PCGF6: variants seen among roughly 807,000 people sequenced by gnomAD.
PCGF6 encodes the protein polycomb group RING finger protein 6.
A neutral mutation model predicts 45.5 loss-of-function variants in PCGF6; 24 were observed. The ratio of observed to expected loss-of-function variants is 0.53; its 90% confidence interval spans 0.38 to 0.74. The LOEUF (loss-of-function observed/expected upper bound fraction) is 0.74, where lower values mean the gene tolerates loss of function less well. Ranked by LOEUF, PCGF6 falls within the 30% of genes least tolerant of loss-of-function variation. The probability of loss-of-function intolerance (pLI) is 0.00; values close to 1 mark genes in which losing one functional copy is unlikely to be tolerated. For missense variants in PCGF6, 356 were observed against 443.2 expected (o/e 0.80, Z 1.77); for synonymous variants, 152 against 162.1 (o/e 0.94, Z 0.47).
chr10:103,332,895 A>G (rs1279272159), intron 7 of PCGF6, among the ~76,000 whole-genome samples: 1 of 152,058 alleles, frequency 6.6e-6, no homozygotes, highest in African/African-American at 2.4e-5. Flanking sequence ...TGGGTGGGTC[A>G]CCGGAGGTCA....
At chr10:103,335,259 G>A (rs2093252454) in intron 6 of PCGF6, among the ~76,000 whole-genome samples, 1 of 150,846 alleles carries the variant, frequency 6.6e-6, no homozygotes, top group African/African-American at 2.4e-5. Context: ...TCGCTGTGTT[G>A]GCCAGGCTGG....
chr10:103,321,538 C>G (rs1179887724), intron 8 of PCGF6, among the ~76,000 whole-genome samples: 1 of 151,986 alleles, frequency 6.6e-6, no homozygotes, highest in Non-Finnish European at 1.5e-5. Flanking sequence ...TGGTGAAACC[C>G]TGTCTCTACT....
chr10:103,340,197 A>T (rs1592074129), intron 6 of PCGF6, among the ~76,000 whole-genome samples: 1 of 94,800 alleles, frequency 1.1e-5, no homozygotes, highest in Non-Finnish European at 2.1e-5. Context: ...AAAAAAAAAA[A>T]AATATATATA....
chr10:103,340,757 C>T (rs2093277772), intron 6 of PCGF6, among the ~76,000 whole-genome samples: 1 of 151,896 alleles, frequency 6.6e-6, no homozygotes, highest in South Asian at 2.1e-4. Context: ...CCACCATGGC[C>T]AATTAATTTT....
intron 8 of PCGF6, among the ~76,000 whole-genome samples, chr10:103,324,692 G>A (rs145263159): frequency 0.04 from 5,990 of 149,858 alleles, 178 homozygotes; most frequent in Non-Finnish European, 0.057. Context: ...CCCGGGAGGC[G>A]GAGGTTGCAG....
At chr10:103,329,036 C>T (rs937390523) in intron 7 of PCGF6, among the ~76,000 whole-genome samples, 4 of 146,244 alleles carry the variant, frequency 2.7e-5, no homozygotes, top group Non-Finnish European at 4.5e-5. Flanking sequence ...TGAGCCACTG[C>T]GCCCGGCGGA....
intron 8 of PCGF6, among the ~76,000 whole-genome samples, chr10:103,323,127 T>C (rs1481090141): frequency 6.6e-6 from 1 of 152,140 alleles, no homozygotes; most frequent in East Asian, 1.9e-4. Context: ...AACCTAAGAA[T>C]AACCTCAAGT....
chr10:103,344,567 CTTT>C (rs1300178808), intron 6 of PCGF6, among the ~76,000 whole-genome samples: 1 of 142,272 alleles, frequency 7.0e-6, no homozygotes, highest in Non-Finnish European at 1.5e-5. Flanking sequence ...CATGCCCAGC[CTTT>C]TTTTTTTTTG....
At chr10:103,344,273 CTTTT>C (rs756711163) in intron 6 of PCGF6, among the ~76,000 whole-genome samples, 4 of 139,524 alleles carry the variant, frequency 2.9e-5, no homozygotes, top group Admixed American at 7.2e-5. Context: ...ATGACAAACA[CTTTT>C]TTTTTTTTTT....
intron 6 of PCGF6, among the ~76,000 whole-genome samples, chr10:103,339,810 A>AAAACACAC (rs1554865094): frequency 2.8e-4 from 9 of 32,236 alleles, no homozygotes; most frequent in African/African-American, 5.1e-4. Context: ...TCAAAAAAAA[A>AAAACACAC]ACACACACAC....
intron 7 of PCGF6, among the ~76,000 whole-genome samples, chr10:103,330,550 G>A (rs1363513346): frequency 2.0e-5 from 3 of 152,028 alleles, no homozygotes; most frequent in Non-Finnish European, 4.4e-5. Context: ...CCCTTTAAAA[G>A]TGTACGATTA....
chr10:103,348,562 T>C, intron 3 of PCGF6, 154 bp downstream of exon 3: 1 of 565,394 alleles, frequency 1.8e-6, no homozygotes, highest in Non-Finnish European at 3.0e-6. Flanking sequence ...TGATCTGAAG[T>C]GATCCACTCA....
Position 103,345,127 on chromosome 10 carries a change from G to C in PCGF6, c.679C>G (p.Pro227Ala). The C allele has an allele frequency of 6.3e-7, 1 of 1,599,438 alleles. No homozygotes were observed. Residue 227 changes from proline to alanine, a missense_variant, in exon 6 of 10, where the codon CCA becomes GCA. Coordinates refer to ENST00000369847, the MANE Select transcript of PCGF6 (RefSeq NM_001011663.2). ...CCTTTGCTTGAAGGGACTGGCTGTG[G>C]AACAGCTATTTAATAGTCAAACAAA... ...RGLEVPKPAVPQPVPSSKGRS... is the reference protein window; with the variant it reads ...RGLEVPKPAVAQPVPSSKGRS...
At chr10:103,322,921 A>G (rs1161880923) in intron 8 of PCGF6, among the ~76,000 whole-genome samples, 1 of 151,698 alleles carries the variant, frequency 6.6e-6, no homozygotes, top group Non-Finnish European at 1.5e-5. Flanking sequence ...AAAACAACCC[A>G]CAAAACACAA....
intron 6 of PCGF6, among the ~76,000 whole-genome samples, chr10:103,338,194 T>A (rs1338781116): frequency 6.6e-6 from 1 of 151,490 alleles, no homozygotes; most frequent in African/African-American, 2.4e-5. Flanking sequence ...TGAGTCGAGA[T>A]CATGCCACTG....
At chr10:103,314,630 A>G (rs1365248140) in intron 8 of PCGF6, among the ~76,000 whole-genome samples, 1 of 152,212 alleles carries the variant, frequency 6.6e-6, no homozygotes, top group Non-Finnish European at 1.5e-5. Context: ...AGCAAAGGAA[A>G]GTATATCTTT....
At chr10:103,347,987 A>T (rs1295377377) in intron 3 of PCGF6, among the ~76,000 whole-genome samples, 1 of 89,452 alleles carries the variant, frequency 1.1e-5, no homozygotes, top group East Asian at 3.5e-4. Flanking sequence ...AATAACAGTA[A>T]TCTACTGTTA....
chr10:103,327,686 CT>C lies in PCGF6; in HGVS notation c.811-1055del, dbSNP rs1258058308. On this transcript the variant is annotated intron_variant, in intron 7 of 9. Coordinates refer to ENST00000369847, the MANE Select transcript of PCGF6 (RefSeq NM_001011663.2). ...AATTCTTTTTTTTTTCTTTTCTTTT[CT>C]TTTTTGAGACAGAGTCTCACTCTGT... Among the ~76,000 whole-genome samples the C allele has an allele frequency of 2.1e-5, 3 of 144,242 alleles. No homozygotes were observed. In the South Asian group the frequency reaches 6.6e-4, roughly 32 times the overall value. 94.6% of individuals were successfully genotyped at this position (144,242 alleles called of 152,430 possible).
At chr10:103,308,698 C>A (rs1342687927) in intron 9 of PCGF6, among the ~76,000 whole-genome samples, 2 of 151,846 alleles carry the variant, frequency 1.3e-5, no homozygotes, top group African/African-American at 4.8e-5. Context: ...ATGGTAAAAC[C>A]CCATCTCTAC....
Sources: gnomAD v4.1 joint callset for allele counts (sites outside exome capture counted in the v4.1 genomes callset) on GRCh38, gnomAD v4.1.1 for gene constraint, MANE v1.5 for transcripts, NCBI Gene and HGNC (gene_info 2026-07-23, HGNC 2026-07-21) for gene names.